ATR: variants seen among roughly 807,000 people sequenced by gnomAD.
ATR encodes the protein ATR checkpoint kinase, also known as serine/threonine-protein kinase ATR.
In ATR, 142 loss-of-function variants were observed where a neutral mutation model predicts 305.3. The ratio of observed to expected loss-of-function variants is 0.47; its 90% CI spans 0.41 to 0.53. The LOEUF (loss-of-function observed/expected upper bound fraction) is 0.53. Ranked by LOEUF, ATR falls within the 20% of genes least tolerant of loss-of-function variation. ATR has a pLI of 0.00. For missense variants in ATR, 2,135 were observed against 3,133.1 expected (o/e 0.68, Z 7.60); for synonymous variants, 1,050 against 1,068.1 (o/e 0.98, Z 0.33).
At chr3:142,522,156 C>T (rs546313474) in intron 23 of ATR, among the ~76,000 whole-genome samples, 13 of 152,210 alleles carry the variant, frequency 8.5e-5, no homozygotes, top group Admixed American at 4.6e-4. Context: ...TTATGACTTG[C>T]GAAGGCTCAG....
intron 14 of ATR, 120 bp from the exon 15 acceptor site, chr3:142,549,793 A>G (rs2034408859): frequency 2.3e-6 from 2 of 876,778 alleles, no homozygotes; most frequent in East Asian, 2.6e-5. Flanking sequence ...ACTCCATACT[A>G]TAAAATATGT....
At position 142,465,224 on chromosome 3, in the gene ATR, G is replaced by T; in HGVS notation, c.6914C>A (p.Ser2305Tyr). 1 of 1,610,064 alleles carries T rather than the reference G, an allele frequency of 6.2e-7. No individual in the cohort carries two copies. The highest frequency in any genetic ancestry group is 8.5e-7 in the Non-Finnish European group (1 of 1,178,060). The change falls in exon 41 of 47, where the codon TCT (serine) becomes TAT (tyrosine). Residue 2305 changes from serine to tyrosine, a missense_variant. By Grantham distance (144) the Ser-to-Tyr change is moderately radical. This residue lies in a region of ATR where 462 missense variants were observed against 887.6 expected (regional missense o/e 0.52). Transcript: ENST00000350721. ...AGAAATCTTCTTTGGTTTCTGAAGAGAAGCAAGAATTTCCACCTAAAAGAT... is the reference window on the plus strand; with the variant it reads ...AGAAATCTTCTTTGGTTTCTGAAGATAAGCAAGAATTTCCACCTAAAAGAT... ...GFDDMVEILASLQKPKKISLK... is the reference protein window; with the variant it reads ...GFDDMVEILAYLQKPKKISLK...
At chr3:142,522,702 C>A (rs2033198569) in intron 23 of ATR, 26 bp downstream of exon 23, 1 of 1,534,842 alleles carries the variant, frequency 6.5e-7, no homozygotes, top group Admixed American at 1.7e-5. Flanking sequence ...CAATTTAAAG[C>A]CAGTAATGAC....
intron 34 of ATR, among the ~76,000 whole-genome samples, chr3:142,494,657 CAT>C (rs2031482427): frequency 6.6e-6 from 1 of 152,170 alleles, no homozygotes; most frequent in Non-Finnish European, 1.5e-5. Flanking sequence ...AAGAAAAGCA[CAT>C]AGTCTGATTT....
At position 142,458,995 on chromosome 3, in the gene ATR, T is replaced by C; in HGVS notation, c.7466A>G (p.Glu2489Gly). Residue 2489 changes from glutamate (E) to glycine (G), a missense_variant, in exon 44 of 47, where the codon GAA becomes GGA. Coordinates refer to ENST00000350721, the MANE Select transcript of ATR (RefSeq NM_001184.4). ...ACAATTGAAATCTACATGTACGCAT[T>C]CACCAGTCAAAGAATCAAAGAGAAT... ...ENILFDSLTG[E>G]CVHVDFNCLF... 2 of 1,613,902 alleles carry C rather than the reference T, an allele frequency of 1.2e-6. No homozygotes were observed. Among genetic ancestry groups the C allele is most frequent in the Non-Finnish European group, 1.7e-6 (2 of 1,179,808 alleles).
At chr3:142,518,485 C>A (rs2033003986) in intron 24 of ATR, among the ~76,000 whole-genome samples, 1 of 152,088 alleles carries the variant, frequency 6.6e-6, no homozygotes, top group Admixed American at 6.6e-5. Flanking sequence ...TCACTGCACT[C>A]CAGCCTGGGC....
rs1217185690 is a variant in ATR, at chr3:142,519,560, A to T, written c.4382+109T>A. On this transcript the variant is annotated intron_variant, in intron 24 of 46. Transcript: ENST00000350721. ...CGTGATCCGCCCGCCTCAGCCTCCC[A>T]AAGTGCTGGGATTACAGGCGTGAGC... The T allele has an allele frequency of 4.7e-6, 4 of 854,802 alleles. No individual in the cohort carries two copies. The East Asian group carries it at 1.1e-4, about 24-fold the overall frequency. 53.0% of individuals were successfully genotyped at this position (854,802 alleles called of 1,614,324 possible).
Position 142,540,609 on chromosome 3 carries a change from A to C in ATR, c.3581+295T>G, listed in dbSNP as rs74700740. 8.7e-3 allele frequency among the ~76,000 whole-genome samples: 1,320 copies of C among 152,240 alleles called. 23 individuals are homozygous for C. Among genetic ancestry groups the C allele is most frequent in the African/African-American group, 0.029 (1,212 of 41,566 alleles). ...GATCTTCTCTAAAATACCCCAACCA[A>C]CAATCAAAAAGGTAGAAGTGGATTA... On this transcript the variant is annotated intron_variant, in intron 18 of 46. Transcript: ENST00000350721.
intron 36 of ATR, among the ~76,000 whole-genome samples, chr3:142,480,738 G>A (rs2030378512): frequency 6.6e-6 from 1 of 152,222 alleles, no homozygotes; most frequent in Non-Finnish European, 1.5e-5. Context: ...GCTCCACCCA[G>A]TTCCAGCTTT....
rs2071128974 is a variant in ATR, at chr3:142,466,305, A to G, written c.6897+19T>C. ...ACAACTAAATTTTAAAATCATAGTCATATAAAACTGAAGTTTACCATATCA... is the reference window on the plus strand; with the variant it reads ...ACAACTAAATTTTAAAATCATAGTCGTATAAAACTGAAGTTTACCATATCA... On this transcript the variant is annotated intron_variant, in intron 40 of 46. Transcript: ENST00000350721. The G allele has an allele frequency of 6.3e-7, 1 of 1,599,502 alleles. No homozygotes were observed.
intron 36 of ATR, among the ~76,000 whole-genome samples, chr3:142,474,810 G>T (rs1044623722): frequency 1.3e-5 from 2 of 152,068 alleles, no homozygotes; most frequent in Non-Finnish European, 2.9e-5. Flanking sequence ...AATCTTAGAG[G>T]AAAAGCTTTG....
At position 142,555,860 on chromosome 3, in the gene ATR, A is replaced by G. The variant is rs2108470098; in HGVS notation, c.2341+17T>C. ...TTAAATAGGTTTTAAAGTATTAAATAAGTCATAATCACTCACCAAGTTTTA... is the reference window on the plus strand; with the variant it reads ...TTAAATAGGTTTTAAAGTATTAAATGAGTCATAATCACTCACCAAGTTTTA... On this transcript the variant is annotated intron_variant, in intron 10 of 46. Transcript: ENST00000350721. The G allele has an allele frequency of 6.2e-7, 1 of 1,600,466 alleles. No individual in the cohort carries two copies. Among genetic ancestry groups the G allele is most frequent in the Non-Finnish European group, 8.5e-7 (1 of 1,174,422 alleles).
intron 36 of ATR, among the ~76,000 whole-genome samples, chr3:142,473,059 T>G (rs1183751674): frequency 6.6e-6 from 1 of 152,216 alleles, no homozygotes; most frequent in Non-Finnish European, 1.5e-5. Flanking sequence ...GTCTTTTCAC[T>G]CTGTTGATTG....
intron 5 of ATR, among the ~76,000 whole-genome samples, chr3:142,560,710 A>G (rs1487875337): frequency 6.6e-6 from 1 of 151,912 alleles, no homozygotes; most frequent in Non-Finnish European, 1.5e-5. Flanking sequence ...ACAGGCGCCA[A>G]CCACCACGCT....
chr3:142,498,685 T>G lies in ATR; in HGVS notation c.5470A>C (p.Lys1824Gln), dbSNP rs913478121. The change falls in exon 32 of 47, where the codon AAA (lysine) becomes CAA (glutamine). Residue 1824 changes from lysine to glutamine, a missense_variant. Lys to Gln is a moderately conservative substitution (Grantham distance 53, BLOSUM62 1). This residue lies in a region of ATR where 117 missense variants were observed against 198.3 expected (regional missense o/e 0.59). Transcript: ENST00000350721. Reference protein sequence around the residue: ...RDITAFYDSLKLVRAEQIVPL... With the variant: ...RDITAFYDSLQLVRAEQIVPL... ...ACAATTTGTTCTGCTCTCACTAGTT[T>G]CAGTGAGTCATAAAAAGCTGTGATA... 1 of 1,613,812 alleles carries G rather than the reference T, an allele frequency of 6.2e-7. No homozygotes were observed. Among genetic ancestry groups the G allele is most frequent in the Non-Finnish European group, 8.5e-7 (1 of 1,179,840 alleles).
At chr3:142,562,094 C>A in intron 4 of ATR, 138 bp downstream of exon 4, 8 of 1,026,742 alleles carry the variant, frequency 7.8e-6, no homozygotes, top group Non-Finnish European at 1.1e-5. Context: ...CCAGACTACA[C>A]TATGAAAATC....
At chr3:142,468,348 T>C (rs1274259842) in intron 38 of ATR, among the ~76,000 whole-genome samples, 5 of 151,978 alleles carry the variant, frequency 3.3e-5, no homozygotes, top group South Asian at 2.1e-4. Context: ...GCAAGAAAAA[T>C]AGAAATAACC....
In ATR at chr3:142,457,515, G is replaced by A. The variant is rs140134625; in HGVS notation, c.7655+89C>T. Reference sequence around the variant, plus strand: ...AAAAAACTATTTCAGTCAGTACAAAGTGGTTTCTACATAAAAACAAACATA... The same window carrying A: ...AAAAAACTATTTCAGTCAGTACAAAATGGTTTCTACATAAAAACAAACATA... On this transcript the variant is annotated intron_variant, in intron 45 of 46. Coordinates refer to ENST00000350721, the MANE Select transcript of ATR (RefSeq NM_001184.4). The A allele has an allele frequency of 4.4e-4, 652 of 1,489,726 alleles. 2 individuals are homozygous for A. In the African/African-American group the frequency reaches 8.5e-3, roughly 19 times the overall value. The allele number at this position is 1,489,726 out of a possible 1,614,324, so 92.3% of individuals were successfully genotyped here. A position where few individuals can be genotyped will look rare whatever the true frequency, so the allele number is the denominator to read the frequency against.
intron 22 of ATR, 111 bp from the exon 23 acceptor site, chr3:142,522,952 TAGAC>T: frequency 1.2e-6 from 1 of 845,566 alleles, no homozygotes; most frequent in Non-Finnish European, 2.0e-6. Flanking sequence ...GAATTTAACT[TAGAC>T]AAAGGAAAAG....
Sources: gnomAD v4.1 joint callset for allele counts (sites outside exome capture counted in the v4.1 genomes callset) on GRCh38, gnomAD v4.1.1 for gene constraint, gnomAD v4.1.1 regional missense constraint, MANE v1.5 for transcripts, NCBI Gene and HGNC (gene_info 2026-07-23, HGNC 2026-07-21) for gene names.